KIF7: variants seen among roughly 807,000 people sequenced by gnomAD.
KIF7 encodes kinesin family member 7.
Under a neutral mutation model 135.7 loss-of-function variants are expected in KIF7, and 104 were observed. That is an observed-to-expected ratio of 0.77 (90% CI 0.65 to 0.90). KIF7 has a LOEUF of 0.90. KIF7 is among the 40% of genes least tolerant of loss of function. KIF7 has a pLI of 0.00. For synonymous variants in KIF7, 883 were observed against 809.4 expected (o/e 1.09, Z -1.54); for missense variants, 2,005 against 1,839.1 (o/e 1.09, Z -1.65).
chr15:89,649,669 A>C (rs1163742279), intron 3 of KIF7, 72 bp downstream of exon 3: 62 of 1,475,516 alleles, frequency 4.2e-5, no homozygotes, highest in South Asian at 5.3e-5. Context: ...CAGACAGGTA[A>C]GCACTCCACT....
chr15:89,629,286 GGGGGAGGGAGGGGGGTGCA>G, intron 17 of KIF7, 70 bp downstream of exon 17: 5 of 1,188,140 alleles, frequency 4.2e-6, no homozygotes, highest in Non-Finnish European at 5.7e-6. Context: ...AGGGGCGGTG[GGGGGAGGGAGGGGGGTGCA>G]GGGCGGGGAA....
Position 89,633,138 on chromosome 15 carries a change from C to A in KIF7, c.2718+3G>T, listed in dbSNP as rs1296805496. ...CCTGGGTGCGGACACAGCCTGGCCCCACCTGCTGCTGTTCCAGGCTGACCA... is the reference window on the plus strand; with the variant it reads ...CCTGGGTGCGGACACAGCCTGGCCCAACCTGCTGCTGTTCCAGGCTGACCA... On this transcript the variant is annotated splice_donor_region_variant and intron_variant, in intron 13 of 18. Transcript: ENST00000394412. 3 of 1,602,502 alleles carry A rather than the reference C, an allele frequency of 1.9e-6. No homozygotes were observed. The highest frequency in any genetic ancestry group is 4.5e-5 in the East Asian group (2 of 44,852).
chr15:89,630,252 A>G, intron 16 of KIF7, 35 bp downstream of exon 16: 1 of 1,589,798 alleles, frequency 6.3e-7, no homozygotes, highest in South Asian at 1.1e-5. Flanking sequence ...CGTGCCGCTG[A>G]GGAGGAGCTG....
At chr15:89,625,563 TC>T, downstream of KIF7, 1 of 1,613,088 alleles carries the variant, frequency 6.2e-7, no homozygotes, top group Admixed American at 1.7e-5. Flanking sequence ...ACCAGTCGCC[TC>T]CCAGGAACAG....
intron 12 of KIF7, among the ~76,000 whole-genome samples, 200 bp downstream of exon 12, chr15:89,633,486 T>C (rs576996364): frequency 6.6e-6 from 1 of 152,278 alleles, no homozygotes; most frequent in East Asian, 1.9e-4. Context: ...ATATACCTCA[T>C]CTCACTGAAG....
chr15:89,623,686 C>T (rs1963461121), downstream of KIF7: 1 of 1,613,966 alleles, frequency 6.2e-7, no homozygotes, highest in Non-Finnish European at 8.5e-7. Context: ...AAGGATCTCT[C>T]ATACACCACA....
chr15:89,636,435 T>G (rs1466144918), intron 11 of KIF7, among the ~76,000 whole-genome samples: 15 of 124,540 alleles, frequency 1.2e-4, no homozygotes, highest in African/African-American at 4.4e-4. Context: ...AGGAAACCCA[T>G]CTCACATGCA....
chr15:89,641,699 G>A (rs1963922147), intron 11 of KIF7, among the ~76,000 whole-genome samples: 1 of 152,186 alleles, frequency 6.6e-6, no homozygotes, highest in African/African-American at 2.4e-5. Context: ...TACTCAGGAG[G>A]CTGAGACAGG....
At chr15:89,651,016 C>T (rs1325504085) in intron 2 of KIF7, among the ~76,000 whole-genome samples, 1 of 152,190 alleles carries the variant, frequency 6.6e-6, no homozygotes, top group Non-Finnish European at 1.5e-5. Context: ...ACTGCAACTT[C>T]TGCCTCCTGG....
rs753258346 is a variant in KIF7 at position 89,631,564 on chromosome 15, C to G, written c.3042G>C (p.Lys1014Asn). 1 of 1,572,982 alleles carries G rather than the reference C, an allele frequency of 6.4e-7. No individual in the cohort carries two copies. The highest frequency in any genetic ancestry group is 1.4e-5 in the African/African-American group (1 of 73,936). ...RGEIDSLRQE[K>N]DSLLKQRLEI... is the part of the protein sequence containing the mutation. The stretch of plus-strand genomic sequence containing the variant: ...CCAGGCGCTGCTTGAGCAGCGAGTC[C>G]TTCTCCTGGCGCAGGCTGTCGATCT... Residue 1014 changes from lysine (K) to asparagine (N), a missense_variant, in exon 15 of 19, where the codon AAG becomes AAC. Physicochemically the swap from Lys to Asn is moderately conservative, Grantham distance 94 (BLOSUM62 0). Transcript: ENST00000394412.
chr15:89,623,747 C>T (rs770978140), downstream of KIF7: 3 of 1,614,080 alleles, frequency 1.9e-6, no homozygotes, highest in Non-Finnish European at 2.5e-6. Context: ...GCAAAAATGA[C>T]CCCTACAAAG....
Position 89,645,159 on chromosome 15 carries a change from C to A in KIF7, c.2045G>T (p.Gly682Val). The A allele has an allele frequency of 6.2e-7, 1 of 1,604,578 alleles. No homozygotes were observed. The highest frequency in any genetic ancestry group is 8.5e-7 in the Non-Finnish European group (1 of 1,179,964). The part of the protein sequence containing the change: ...DAAIPGSRAV[G>V]GSKARVQARQ... ...GGCCTGAACTCGGGCCTTGCTCCCACCAACTGCTGCAACAGGCAGCCTGTC... is the reference window on the plus strand; with the variant it reads ...GGCCTGAACTCGGGCCTTGCTCCCAACAACTGCTGCAACAGGCAGCCTGTC... The change falls in exon 10 of 19, where the codon GGT becomes GTT. Residue 682 changes from glycine (G) to valine (V), a missense_variant. Gly to Val is a moderately radical substitution (Grantham distance 109, BLOSUM62 -3). Transcript: ENST00000394412.
intron 2 of KIF7, among the ~76,000 whole-genome samples, chr15:89,617,347 A>T (rs1267170290): frequency 6.6e-6 from 1 of 152,198 alleles, no homozygotes; most frequent in Non-Finnish European, 1.5e-5. Flanking sequence ...TTTTTATAAC[A>T]TCCTTGACAC....
chr15:89,633,344 C>T, intron 12 of KIF7, 78 bp from the exon 13 acceptor site: 1 of 1,525,390 alleles, frequency 6.6e-7, no homozygotes, highest in East Asian at 2.4e-5. Context: ...CCCAAAGCCC[C>T]CAGGAGTGCC....
chr15:89,619,221 C>CTCATTCTTCTTTT (rs775020405), intron 1 of KIF7, among the ~76,000 whole-genome samples: 1 of 112,006 alleles, frequency 8.9e-6, no homozygotes, highest in Non-Finnish European at 1.7e-5. Flanking sequence ...CACCATTCTT[C>CTCATTCTTCTTTT]TTTTTTTTTT....
At chr15:89,622,883 G>A (rs1007837453) in intron 1 of KIF7, among the ~76,000 whole-genome samples, 1 of 152,218 alleles carries the variant, frequency 6.6e-6, no homozygotes, top group Non-Finnish European at 1.5e-5. Context: ...GGCTGGGTTA[G>A]GCAGCCCTTC....
At chr15:89,643,879 G>A (rs534554574) in intron 10 of KIF7, among the ~76,000 whole-genome samples, 4 of 92,592 alleles carry the variant, frequency 4.3e-5, no homozygotes, top group African/African-American at 1.2e-4. Context: ...GTGAGACTCC[G>A]TCTCAGAAAA....
chr15:89,629,639 CACAG>C, intron 16 of KIF7, 66 bp from the exon 17 acceptor site: 1 of 1,593,844 alleles, frequency 6.3e-7, no homozygotes, highest in Non-Finnish European at 8.5e-7. Flanking sequence ...AATCCTCAAT[CACAG>C]ACACAGTATT....
At chr15:89,631,368 C>T (rs764804499) in intron 15 of KIF7, 127 bp downstream of exon 15, 9 of 818,886 alleles carry the variant, frequency 1.1e-5, no homozygotes, top group Non-Finnish European at 1.7e-5. Context: ...CTCCACCTAA[C>T]AGTGAAAACT....
Sources: allele counts gnomAD v4.1 joint callset (sites outside exome capture counted in the v4.1 genomes callset), GRCh38; gene constraint gnomAD v4.1.1; transcripts MANE v1.5; gene names NCBI Gene and HGNC (gene_info 2026-07-23, HGNC 2026-07-21).